The following PKP4 variants were observed in gnomAD, a reference collection of about 807,000 sequenced individuals.
PKP4 encodes the protein plakophilin 4.
Under a neutral mutation model 145.1 loss-of-function variants are expected in PKP4, and 90 were observed. The ratio of observed to expected loss-of-function variants is 0.62; its 90% CI spans 0.52 to 0.74. The LOEUF is 0.74. PKP4 is among the 30% of genes least tolerant of loss of function. The pLI is 0.00. For missense variants in PKP4, 1,340 were observed against 1,482.7 expected (o/e 0.90, Z 1.58); for synonymous variants, 563 against 577.2 (o/e 0.98, Z 0.35).
Position 158,666,528 on chromosome 2 carries a change from A to G in PKP4, c.2693A>G (p.Asn898Ser), listed in dbSNP as rs1176933089. 10 of 1,613,320 alleles carry G rather than the reference A, an allele frequency of 6.2e-6. No homozygotes were observed. The highest frequency in any genetic ancestry group is 8.5e-6 in the Non-Finnish European group (10 of 1,179,646). ...VVSSVATALR[N>S]MALDVRNKEL... ...TCTTCCGTGGCAACAGCCTTGAGGA[A>G]TATGGCACTAGATGTTCGCAACAAG... The change falls in exon 16 of 22, where the codon AAT becomes AGT. Residue 898 changes from asparagine (N) to serine (S), a missense_variant. Coordinates refer to ENST00000389759, the MANE Select transcript of PKP4 (RefSeq NM_003628.6).
chr2:158,625,760 A>AT (rs1208194617), intron 7 of PKP4, among the ~76,000 whole-genome samples: 2 of 151,982 alleles, frequency 1.3e-5, no homozygotes, highest in Non-Finnish European at 2.9e-5. Flanking sequence ...TTAATGAAAT[A>AT]TTTTTTACCA....
At chr2:158,565,158 AAAATAT>A (rs1332857114) in intron 2 of PKP4, among the ~76,000 whole-genome samples, 1 of 152,180 alleles carries the variant, frequency 6.6e-6, no homozygotes, top group Non-Finnish European at 1.5e-5. Flanking sequence ...AGGATTAGAG[AAAATAT>A]AAATAGAGTG....
intron 6 of PKP4, 83 bp downstream of exon 6, chr2:158,621,504 G>T (rs575344583): frequency 8.5e-7 from 1 of 1,180,644 alleles, no homozygotes; most frequent in Admixed American, 2.1e-5. Context: ...CCAGCATTTT[G>T]GGAGGCCGAG....
intron 3 of PKP4, among the ~76,000 whole-genome samples, chr2:158,578,649 G>T (rs2048064908): frequency 6.6e-6 from 1 of 152,044 alleles, no homozygotes; most frequent in Non-Finnish European, 1.5e-5. Context: ...GAACCAACTG[G>T]TTTTGTTTTT....
intron 11 of PKP4, among the ~76,000 whole-genome samples, chr2:158,654,550 G>A (rs781514216): frequency 2.0e-5 from 3 of 152,146 alleles, no homozygotes; most frequent in Non-Finnish European, 4.4e-5. Flanking sequence ...ATTCTGGCAT[G>A]TTGGTGTGAC....
chr2:158,634,194 G>T lies in PKP4; in HGVS notation c.1467G>T (p.Val489=). 4.3e-6 allele frequency: 7 copies of T among 1,614,026 alleles called. No individual in the cohort carries two copies. Among genetic ancestry groups the T allele is most frequent in the Middle Eastern group, 1.6e-4 (1 of 6,062 alleles). ...CCTACAGGCCTATACAATACCGAGT[G>T]CAAGAGTGCAATTATAACAGGCTTC... ...AEPYRPIQYR[V]QECNYNRLQH... is the part of the protein sequence containing the mutation. The change falls in exon 9 of 22, where the codon GTG becomes GTT. Residue 489 remains valine, a synonymous_variant. Coordinates refer to ENST00000389759, the MANE Select transcript of PKP4 (RefSeq NM_003628.6).
At chr2:158,604,888 G>A (rs1456075640) in intron 4 of PKP4, among the ~76,000 whole-genome samples, 2 of 152,182 alleles carry the variant, frequency 1.3e-5, no homozygotes, top group African/African-American at 2.4e-5. Flanking sequence ...GTGGATAAGG[G>A]ACAACTGAGT....
chr2:158,668,627 A>G (rs2057317952), intron 16 of PKP4, among the ~76,000 whole-genome samples: 1 of 152,220 alleles, frequency 6.6e-6, no homozygotes, highest in Non-Finnish European at 1.5e-5. Context: ...ATTCATGAGT[A>G]TTCAAAATCA....
chr2:158,551,113 C>T (rs1169840538), intron 2 of PKP4, among the ~76,000 whole-genome samples: 1 of 152,086 alleles, frequency 6.6e-6, no homozygotes, highest in African/African-American at 2.4e-5. Flanking sequence ...TGTAATGTAA[C>T]TCTGATTTGC....
At chr2:158,664,304 CCTGTGT>C (rs1476940235) in intron 15 of PKP4, among the ~76,000 whole-genome samples, 1 of 152,130 alleles carries the variant, frequency 6.6e-6, no homozygotes, top group Non-Finnish European at 1.5e-5. Context: ...TACAGACATG[CCTGTGT>C]CTAAGGTTTC....
intron 16 of PKP4, 89 bp downstream of exon 16, chr2:158,666,652 G>GTA: frequency 9.0e-7 from 1 of 1,105,236 alleles, no homozygotes; most frequent in Non-Finnish European, 1.3e-6. Context: ...TATATGGCTT[G>GTA]TAAAATCATT....
At chr2:158,661,777 G>T in intron 13 of PKP4, 1 of 217,022 alleles carries the variant, frequency 4.6e-6, no homozygotes, top group South Asian at 7.3e-5. Context: ...CAGTATTTGA[G>T]TATCTACTGA....
Position 158,625,081 on chromosome 2 carries a change from A to G in PKP4, c.807A>G (p.Ala269=), listed in dbSNP as rs2105899956. Residue 269 remains alanine (A), a synonymous_variant, in exon 7 of 22, where the codon GCA becomes GCG. Coordinates refer to ENST00000389759, the MANE Select transcript of PKP4 (RefSeq NM_003628.6). ...SAYSSTTLPA[A]RAASPYSQRP... ...ATTCCTCCACCACATTACCTGCTGC[A>G]CGGGCAGCCTCTCCGTACTCACAGA... 6.2e-7 allele frequency: 1 copy of G among 1,614,120 alleles called. No homozygotes were observed. Among genetic ancestry groups the G allele is most frequent in the South Asian group, 1.1e-5 (1 of 91,076 alleles).
Position 158,662,880 on chromosome 2 carries a change from G to T in PKP4, c.2212-17G>T. On this transcript the variant is annotated splice_polypyrimidine_tract_variant and intron_variant, in intron 13 of 21. Transcript: ENST00000389759. ...TGTGCCGAGTTGTTTTTAATTATAC[G>T]CCATGCTGGGTTTCAGACGGTGGAG... 4.4e-6 allele frequency: 7 copies of T among 1,580,576 alleles called. No homozygotes were observed. Among genetic ancestry groups the T allele is most frequent in the Non-Finnish European group, 5.2e-6 (6 of 1,163,898 alleles).
intron 2 of PKP4, among the ~76,000 whole-genome samples, chr2:158,565,435 CTT>C (rs10690465): frequency 2.4e-4 from 32 of 135,744 alleles, no homozygotes; most frequent in Middle Eastern, 3.9e-3. Flanking sequence ...TTCTTTTTTC[CTT>C]TTTTTTTTTT....
At chr2:158,549,945 T>G (rs765668329) in intron 2 of PKP4, among the ~76,000 whole-genome samples, 20 of 152,200 alleles carry the variant, frequency 1.3e-4, no homozygotes, top group Admixed American at 2.0e-4. Flanking sequence ...AGTTTTAAAA[T>G]TATTCAACCT....
Position 158,663,027 on chromosome 2 carries a change from C to G in PKP4, c.2342C>G (p.Ser781Cys), listed in dbSNP as rs142454076. The G allele has an allele frequency of 4.2e-5, 67 of 1,613,860 alleles. No individual in the cohort carries two copies. Among genetic ancestry groups the G allele is most frequent in the Non-Finnish European group, 7.6e-6 (9 of 1,179,992 alleles). Residue 781 changes from serine to cysteine, a missense_variant, in exon 14 of 22, where the codon TCT (serine) becomes TGT (cysteine). Coordinates refer to ENST00000389759, the MANE Select transcript of PKP4 (RefSeq NM_003628.6). ...LLGKESPSKD[S>C]EPSCWGKKKK... is the part of the protein sequence containing the mutation. ...GGAAAAGAGTCTCCCAGCAAAGACT[C>G]TGAGCCAAGTTGCTGGGGGAAGAAG...
At chr2:158,636,136 G>A (rs1362535363) in intron 9 of PKP4, among the ~76,000 whole-genome samples, 1 of 152,048 alleles carries the variant, frequency 6.6e-6, no homozygotes. Context: ...GACTTCCTGT[G>A]TATTCACGTT....
intron 1 of PKP4, among the ~76,000 whole-genome samples, chr2:158,499,089 C>T (rs148285584): frequency 2.2e-4 from 34 of 152,168 alleles, no homozygotes; most frequent in African/African-American, 8.2e-4. Flanking sequence ...GGTAGGGGTG[C>T]CTTCAGTGGT....
Sources: gnomAD v4.1 joint callset for allele counts (sites outside exome capture counted in the v4.1 genomes callset) on GRCh38, gnomAD v4.1.1 for gene constraint, MANE v1.5 for transcripts, NCBI Gene and HGNC (gene_info 2026-07-23, HGNC 2026-07-21) for gene names.